The following MTUS1 variants were observed in gnomAD, a reference collection of about 807,000 sequenced individuals.
The protein encoded by MTUS1 is microtubule-associated tumor suppressor 1.
A neutral mutation model predicts 120.8 loss-of-function variants in MTUS1; 109 were observed. The ratio of observed to expected loss-of-function variants is 0.90; its 90% confidence interval spans 0.77 to 1.06. MTUS1 has a LOEUF of 1.06. Among genes scored for constraint, MTUS1 ranks in the 50% least tolerant of loss-of-function variants. The probability of loss-of-function intolerance (pLI) is 0.00; values close to 1 mark genes in which losing one functional copy is unlikely to be tolerated. For synonymous variants in MTUS1, 737 were observed against 550.5 expected (o/e 1.34, Z -4.74); for missense variants, 2,210 against 1,486.3 (o/e 1.49, Z -8.01).
Position 17,755,759 on chromosome 8 carries a change from A to G in MTUS1, c.49T>C (p.Phe17Leu), listed in dbSNP as rs770749222. The G allele has an allele frequency of 6.2e-7, 1 of 1,613,748 alleles. No homozygotes were observed. The highest frequency in any genetic ancestry group is 1.3e-5 in the African/African-American group (1 of 75,044). The change falls in exon 2 of 15, where the codon TTC becomes CTC. Residue 17 changes from phenylalanine (F) to leucine (L), a missense_variant. Physicochemically the swap from Phe to Leu is conservative, Grantham distance 22. Transcript: ENST00000693296. ...TTTCCATCTTTATCACTGGTAAAGA[A>G]GGTTTGCAATTCATCTTCTATTTTA... is the stretch of plus-strand genomic sequence containing the variant. ...DDKIEDELQT[F>L]FTSDKDGNTH... is the part of the protein sequence containing the mutation.
chr8:17,768,245 T>C (rs145117802), intron 1 of MTUS1, among the ~76,000 whole-genome samples: 177 of 152,282 alleles, frequency 1.2e-3, no homozygotes, highest in African/African-American at 2.6e-3. Context: ...TGTTCTCTCT[T>C]CTCTTTCTTC....
At chr8:17,772,244 G>A (rs1461751428) in intron 1 of MTUS1, among the ~76,000 whole-genome samples, 1 of 152,134 alleles carries the variant, frequency 6.6e-6, no homozygotes, top group Non-Finnish European at 1.5e-5. Context: ...AATGCCTATA[G>A]AAACTAGACA....
chr8:17,691,413 C>G (rs1218214630), intron 6 of MTUS1: 1 of 152,246 alleles, frequency 6.6e-6, no homozygotes, highest in Non-Finnish European at 1.5e-5. Context: ...AGCTCTAAAA[C>G]CGCCACAGCT....
chr8:17,705,261 G>A (rs776707905), intron 6 of MTUS1, among the ~76,000 whole-genome samples: 6 of 152,162 alleles, frequency 3.9e-5, no homozygotes, highest in Non-Finnish European at 7.3e-5. Context: ...TGGGATTACA[G>A]GCGTGAGCCA....
intron 1 of MTUS1, among the ~76,000 whole-genome samples, chr8:17,791,046 A>G (rs1370968043): frequency 1.3e-5 from 2 of 152,172 alleles, no homozygotes. Context: ...GGCAACAGAA[A>G]CTTATTACTT....
In MTUS1 at chr8:17,755,057, T is replaced by A; in HGVS notation, c.751A>T (p.Met251Leu). The A allele has an allele frequency of 1.2e-6, 2 of 1,613,824 alleles. No individual in the cohort carries two copies. Among genetic ancestry groups the A allele is most frequent in the Non-Finnish European group, 1.7e-6 (2 of 1,180,032 alleles). ...MTYTAFSDVVMQSEVFVSDIG... is the reference protein window; with the variant it reads ...MTYTAFSDVVLQSEVFVSDIG... ...TCTGAAACAAAAACCTCACTTTGCA[T>A]CACCACATCAGAAAATGCTGTGTAA... Residue 251 changes from methionine to leucine, a missense_variant, in exon 2 of 15, where the codon ATG (methionine) becomes TTG (leucine). Transcript: ENST00000693296.
chr8:17,685,341 T>C (rs1815545882), intron 6 of MTUS1, among the ~76,000 whole-genome samples: 1 of 152,208 alleles, frequency 6.6e-6, no homozygotes. Flanking sequence ...CTGTTCAGTC[T>C]TGGAACCATT....
At chr8:17,785,416 A>G (rs1038123732) in intron 1 of MTUS1, among the ~76,000 whole-genome samples, 1 of 152,208 alleles carries the variant, frequency 6.6e-6, no homozygotes, top group African/African-American at 2.4e-5. Flanking sequence ...TCAGCCTTTC[A>G]GATTTTATGG....
At chr8:17,725,714 A>G (rs1268247214) in intron 3 of MTUS1, among the ~76,000 whole-genome samples, 1 of 152,236 alleles carries the variant, frequency 6.6e-6, no homozygotes, top group African/African-American at 2.4e-5. Flanking sequence ...GCGGCCCAGC[A>G]CAGCTTTGAA....
Position 17,653,470 on chromosome 8 carries a change from C to T in MTUS1, c.3243G>A (p.Lys1081=). 1 of 1,612,302 alleles carries T rather than the reference C, an allele frequency of 6.2e-7. No homozygotes were observed. The highest frequency in any genetic ancestry group is 8.5e-7 in the Non-Finnish European group (1 of 1,179,314). Residue 1081 remains lysine, a synonymous_variant, in exon 11 of 15, where the codon AAG becomes AAA. Transcript: ENST00000693296. ...CAGAAAGTAAATCTTCAAGCGATTT[C>T]TTTTCTATTTCATGGCCTTTCTTAA... ...SEIKKGHEIE[K]KSLEDLLSEK...
At chr8:17,652,631 AGT>A (rs1466198069) in intron 12 of MTUS1, among the ~76,000 whole-genome samples, 1 of 152,120 alleles carries the variant, frequency 6.6e-6, no homozygotes, top group Non-Finnish European at 1.5e-5. Flanking sequence ...ATGTTAAAAG[AGT>A]GAACTTTTCC....
intron 2 of MTUS1, among the ~76,000 whole-genome samples, chr8:17,745,335 A>G (rs1344175994): frequency 6.6e-6 from 1 of 152,228 alleles, no homozygotes; most frequent in African/African-American, 2.4e-5. Context: ...CCTCCCATAT[A>G]CTGTAAATCA....
At chr8:17,724,686 A>C (rs1248575075) in intron 3 of MTUS1, among the ~76,000 whole-genome samples, 1 of 152,126 alleles carries the variant, frequency 6.6e-6, no homozygotes, top group Non-Finnish European at 1.5e-5. Context: ...CCTGCTACCT[A>C]AATATGGGCA....
chr8:17,743,876 C>T, intron 2 of MTUS1, 77 bp from the exon 3 acceptor site: 3 of 1,289,518 alleles, frequency 2.3e-6, no homozygotes, highest in Non-Finnish European at 3.2e-6. Context: ...GGCCCCTCCT[C>T]TAGGCCAAGG....
At chr8:17,732,583 A>G (rs1404498286) in intron 3 of MTUS1, among the ~76,000 whole-genome samples, 1 of 152,170 alleles carries the variant, frequency 6.6e-6, no homozygotes, top group East Asian at 1.9e-4. Context: ...TTATATCTGT[A>G]GACCAGATTT....
At chr8:17,763,644 G>A (rs1297453869) in intron 1 of MTUS1, among the ~76,000 whole-genome samples, 4 of 152,094 alleles carry the variant, frequency 2.6e-5, no homozygotes, top group African/African-American at 4.8e-5. Context: ...GGAGATACTC[G>A]CTGGAGGCAC....
chr8:17,792,621 T>G (rs2051889533), intron 1 of MTUS1, among the ~76,000 whole-genome samples: 1 of 152,228 alleles, frequency 6.6e-6, no homozygotes, highest in Admixed American at 6.5e-5. Flanking sequence ...CCCAGCACTT[T>G]GGAAGGACAA....
chr8:17,729,747 T>C (rs1481061610), intron 3 of MTUS1, among the ~76,000 whole-genome samples: 1 of 151,316 alleles, frequency 6.6e-6, no homozygotes, highest in Non-Finnish European at 1.5e-5. Flanking sequence ...TCTAGAATAA[T>C]TAAGAATAGC....
chr8:17,703,219 G>T (rs67796776), intron 6 of MTUS1, among the ~76,000 whole-genome samples: 5 of 152,056 alleles, frequency 3.3e-5, no homozygotes, highest in South Asian at 4.2e-4. Context: ...CGTGCGAGTA[G>T]GAGAGATATC....
Sources: gnomAD v4.1 joint callset for allele counts (sites outside exome capture counted in the v4.1 genomes callset) on GRCh38, gnomAD v4.1.1 for gene constraint, MANE v1.5 for transcripts, NCBI Gene and HGNC (gene_info 2026-07-23, HGNC 2026-07-21) for gene names.